PLA2G4B: variants seen among roughly 807,000 people sequenced by gnomAD.
PLA2G4B encodes the protein cytosolic phospholipase A2 beta.
PLA2G4B carries 122 observed loss-of-function variants against 95.8 expected under a neutral mutation model. That is an observed-to-expected ratio of 1.27 (90% CI 1.10 to 1.48). The LOEUF (loss-of-function observed/expected upper bound fraction) is 1.48, where lower values mean the gene tolerates loss of function less well. Ranked by LOEUF, PLA2G4B falls within the 40% of genes most tolerant of loss-of-function variation. PLA2G4B has a pLI of 0.00. For synonymous variants in PLA2G4B, 518 were observed against 421.5 expected (o/e 1.23, Z -2.80); for missense variants, 1,158 against 996.2 (o/e 1.16, Z -2.19).
Position 41,842,223 on chromosome 15 carries a change from CTG to C in PLA2G4B, c.653_654del (p.Leu218GlnfsTer75). 1 of 1,614,136 alleles carries C rather than the reference CTG, an allele frequency of 6.2e-7. No homozygotes were observed. The highest frequency in any genetic ancestry group is 8.5e-7 in the Non-Finnish European group (1 of 1,180,010). On this transcript the variant is annotated frameshift_variant, in exon 9 of 20. Coordinates refer to ENST00000458483, the MANE Select transcript of PLA2G4B (RefSeq NM_001114633.2). LOFTEE classifies it high-confidence loss of function. Reference protein sequence around the residue: ...DAPEEQLKAPLSALPSGQVVR... With the variant: ...DAPEEQLKAPXSALPSGQVVR... ...CCCCGAGGAGCAACTAAAGGCGCCA[CTG>C]AGTGCCCTGCCCTCTGGTCAAGTGG...
At chr15:41,843,573 G>A in intron 10 of PLA2G4B, 103 bp from the exon 11 acceptor site, 1 of 1,523,558 alleles carries the variant, frequency 6.6e-7, no homozygotes, top group Non-Finnish European at 8.8e-7. Flanking sequence ...GAGGGTTGGG[G>A]AGAAGAGGGA....
intron 12 of PLA2G4B, 45 bp from the exon 13 acceptor site, chr15:41,844,803 G>C (rs1221920224): frequency 1.3e-6 from 2 of 1,563,626 alleles, no homozygotes; most frequent in Non-Finnish European, 1.7e-6. Context: ...TCTAGACGGG[G>C]TCCTTCAGTG....
At chr15:41,845,526 A>T (rs967695573) in intron 14 of PLA2G4B, 112 bp from the exon 15 acceptor site, 9 of 1,515,528 alleles carry the variant, frequency 5.9e-6, no homozygotes, top group East Asian at 2.3e-5. Context: ...CCAGGCCACA[A>T]GGCCTGGGCC....
In PLA2G4B at chr15:41,840,517, C is replaced by T; in HGVS notation, c.83-7C>T. The T allele has an allele frequency of 2.5e-6, 4 of 1,613,690 alleles. No homozygotes were observed. Among genetic ancestry groups the T allele is most frequent in the Non-Finnish European group, 3.4e-6 (4 of 1,180,038 alleles). On this transcript the variant is annotated splice_region_variant and splice_polypyrimidine_tract_variant and intron_variant, in intron 2 of 19. Coordinates refer to ENST00000458483, the MANE Select transcript of PLA2G4B (RefSeq NM_001114633.2). The stretch of plus-strand genomic sequence containing the variant: ...GTCCACCGCTGGGCACTTGTTCCTT[C>T]CCGCAGTGACCCCCTCTGACTGCTA...
At chr15:41,842,818 C>A in intron 10 of PLA2G4B, 1 of 548,620 alleles carries the variant, frequency 1.8e-6, no homozygotes, top group Non-Finnish European at 3.0e-6. Flanking sequence ...TGCCAGGCAC[C>A]CGGGGAGCAC....
chr15:41,845,204 C>T lies in PLA2G4B; in HGVS notation c.1241C>T (p.Pro414Leu). ...TAGGTTCTACGCATCTTTCCCCAGC[C>T]CCATGATCACAAGCTCTCAGATCAA... is the stretch of plus-strand genomic sequence containing the variant. Reference protein sequence around the residue: ...LINEALLHDEPHDHKLSDQRE... With the variant: ...LINEALLHDELHDHKLSDQRE... The change falls in exon 14 of 20, where the codon CCC becomes CTC. Residue 414 changes from proline (P) to leucine (L), a missense_variant and splice_region_variant. Pro to Leu is a moderately conservative substitution (Grantham distance 98). Coordinates refer to ENST00000458483, the MANE Select transcript of PLA2G4B (RefSeq NM_001114633.2). 1.2e-6 allele frequency: 2 copies of T among 1,614,132 alleles called. No individual in the cohort carries two copies. The highest frequency in any genetic ancestry group is 1.7e-6 in the Non-Finnish European group (2 of 1,179,992).
chr15:41,845,125 CG>C, intron 13 of PLA2G4B, 55 bp downstream of exon 13: 1 of 1,602,622 alleles, frequency 6.2e-7, no homozygotes, highest in Non-Finnish European at 8.5e-7. Context: ...AGCTGGGGCT[CG>C]GTGCTGGACA....
At position 41,847,776 on chromosome 15, in the gene PLA2G4B, T is replaced by G. The variant is rs776707876; in HGVS notation, c.2262T>G (p.His754Gln). The change falls in exon 20 of 20, where the codon CAT becomes CAG. Residue 754 changes from histidine to glutamine, a missense_variant. By Grantham distance (24) the His-to-Gln change is conservative. Coordinates refer to ENST00000458483, the MANE Select transcript of PLA2G4B (RefSeq NM_001114633.2). ...EDVDKLLHLT[H>Q]YNVCNNQEQL... Reference sequence around the variant, plus strand: ...TGGACAAGCTGCTGCACCTGACACATTACAATGTCTGCAACAACCAGGAGC... The same window carrying G: ...TGGACAAGCTGCTGCACCTGACACAGTACAATGTCTGCAACAACCAGGAGC... 13 of 1,609,650 alleles carry G rather than the reference T, an allele frequency of 8.1e-6. No individual in the cohort carries two copies. The highest frequency in any genetic ancestry group is 1.4e-5 in the African/African-American group (1 of 71,326).
At chr15:41,846,134 C>A (rs2065538447) in intron 16 of PLA2G4B, 69 bp from the exon 17 acceptor site, 1 of 1,588,480 alleles carries the variant, frequency 6.3e-7, no homozygotes, top group African/African-American at 1.3e-5. Flanking sequence ...CCTCTTCCCC[C>A]TCCAGGGTCA....
At chr15:41,846,120 C>T in intron 16 of PLA2G4B, 73 bp downstream of exon 16, 1 of 1,579,336 alleles carries the variant, frequency 6.3e-7, no homozygotes, top group Non-Finnish European at 8.6e-7. Context: ...GCGGGGGGTT[C>T]ACACCTCTTC....
rs200270088 is a variant in PLA2G4B at position 41,842,544 on chromosome 15, C to T, written c.706-10C>T. ...CGACCTTTTGTGACTGGGGCCTTCACGGTTTTCAGGAGCCCCTGATGAGAG... is the reference window on the plus strand; with the variant it reads ...CGACCTTTTGTGACTGGGGCCTTCATGGTTTTCAGGAGCCCCTGATGAGAG... On this transcript the variant is annotated splice_polypyrimidine_tract_variant and intron_variant, in intron 9 of 19. Coordinates refer to ENST00000458483, the MANE Select transcript of PLA2G4B (RefSeq NM_001114633.2). 2.9e-5 allele frequency: 47 copies of T among 1,610,694 alleles called. No individual in the cohort carries two copies. Among genetic ancestry groups the T allele is most frequent in the South Asian group, 5.5e-5 (5 of 90,756 alleles).
In PLA2G4B at chr15:41,839,997, G is replaced by A. The variant is rs1481726870; in HGVS notation, c.10-161G>A. The A allele has an allele frequency of 5.0e-6, 4 of 792,114 alleles. No individual in the cohort carries two copies. The South Asian group carries it at 7.8e-5, about 15-fold the overall frequency. 49.1% of individuals were successfully genotyped at this position (792,114 alleles called of 1,614,324 possible). On this transcript the variant is annotated intron_variant, in intron 1 of 19. Transcript: ENST00000458483. ...AAGTGCTGGCAGGCGTCATGATGGA[G>A]ATATCATGTCTCCTCTTGTTGATTC...
At chr15:41,841,724 G>T in intron 7 of PLA2G4B, 95 bp from the exon 8 acceptor site, 2 of 1,573,362 alleles carry the variant, frequency 1.3e-6, no homozygotes, top group South Asian at 2.3e-5. Context: ...CCATTTCAGC[G>T]GGGAGAGGGA....
At position 41,845,953 on chromosome 15, in the gene PLA2G4B, CA is replaced by C; in HGVS notation, c.1508del (p.Asn503ThrfsTer39). 6.6e-7 allele frequency: 1 copy of C among 1,515,170 alleles called. No homozygotes were observed. The highest frequency in any genetic ancestry group is 8.8e-7 in the Non-Finnish European group (1 of 1,132,122). The allele number at this position is 1,515,170 out of a possible 1,614,324, so 93.9% of individuals were successfully genotyped here. A position where few individuals can be genotyped will look rare whatever the true frequency, so the allele number is the denominator to read the frequency against. On this transcript the variant is annotated frameshift_variant, in exon 16 of 20. Coordinates refer to ENST00000458483, the MANE Select transcript of PLA2G4B (RefSeq NM_001114633.2). LOFTEE classifies it high-confidence loss of function. Reference sequence around the variant, plus strand: ...CGGCCGCTCTTTCAGGTATCTGGAGCAACCTGTATGCAGCCAACCTCCAGGA... The same window carrying C: ...CGGCCGCTCTTTCAGGTATCTGGAGCACCTGTATGCAGCCAACCTCCAGGA... ...RICFLEGIWS[N>X]LYAANLQDSL...
chr15:41,846,836 G>C lies in PLA2G4B; in HGVS notation c.1947+1G>C, dbSNP rs747381604. On this transcript the variant is annotated splice_donor_variant, in intron 18 of 19. Transcript: ENST00000458483. LOFTEE classifies it high-confidence loss of function. The stretch of plus-strand genomic sequence containing the variant: ...CTACAACCTCCACGGAGCCTTCCAG[G>C]TTGGGAAGGGTGGGCAGCCCACCAG... The C allele has an allele frequency of 6.2e-7, 1 of 1,606,288 alleles. No homozygotes were observed. Among genetic ancestry groups the C allele is most frequent in the South Asian group, 1.1e-5 (1 of 90,606 alleles).
rs922026268 is a variant in PLA2G4B, at chr15:41,847,742, A to G, written c.2228A>G (p.Gln743Arg). 3 of 1,613,748 alleles carry G rather than the reference A, an allele frequency of 1.9e-6. No individual in the cohort carries two copies. Among genetic ancestry groups the G allele is most frequent in the Non-Finnish European group, 8.5e-7 (1 of 1,180,046 alleles). Residue 743 changes from glutamine (Q) to arginine (R), a missense_variant, in exon 20 of 20, where the codon CAG becomes CGG. By Grantham distance (43) the Gln-to-Arg change is conservative. Transcript: ENST00000458483. ...PYHYTKVTYS[Q>R]EDVDKLLHLT... Reference sequence around the variant, plus strand: ...CACTACACGAAGGTGACCTACAGCCAGGAGGACGTGGACAAGCTGCTGCAC... The same window carrying G: ...CACTACACGAAGGTGACCTACAGCCGGGAGGACGTGGACAAGCTGCTGCAC...
At position 41,844,457 on chromosome 15, in the gene PLA2G4B, C is replaced by T. The variant is rs199586522; in HGVS notation, c.880-14C>T. 1.1e-4 allele frequency: 172 copies of T among 1,614,078 alleles called. 2 individuals are homozygous for T. The highest frequency in any genetic ancestry group is 6.2e-4 in the Admixed American group (37 of 60,010). On this transcript the variant is annotated splice_polypyrimidine_tract_variant and intron_variant, in intron 11 of 19. Coordinates refer to ENST00000458483, the MANE Select transcript of PLA2G4B (RefSeq NM_001114633.2). The stretch of plus-strand genomic sequence containing the variant: ...CCCTAGGGCCTCTACAGGCCTGGCT[C>T]TCTTCTTTTCCAGATCCCAGTGGTA...
chr15:41,842,424 C>G (rs2065449842), intron 9 of PLA2G4B, 130 bp from the exon 10 acceptor site: 2 of 1,554,508 alleles, frequency 1.3e-6, no homozygotes, highest in Non-Finnish European at 1.7e-6. Context: ...CTCTGAGCAT[C>G]CCTGCTTCAG....
At position 41,845,835 on chromosome 15, in the gene PLA2G4B, A is replaced by G; in HGVS notation, c.1495+60A>G. 4 of 1,543,564 alleles carry G rather than the reference A, an allele frequency of 2.6e-6. No homozygotes were observed. The South Asian group carries it at 5.1e-5, about 20-fold the overall frequency. ...GAGCAGGGAAAATGGGTCCTGGGTG[A>G]GAGGGCAGCCTCGGTCAGAAGAGTT... On this transcript the variant is annotated intron_variant, in intron 15 of 19. Coordinates refer to ENST00000458483, the MANE Select transcript of PLA2G4B (RefSeq NM_001114633.2).
Sources: gnomAD v4.1 joint callset for allele counts on GRCh38, gnomAD v4.1.1 for gene constraint, MANE v1.5 for transcripts, NCBI Gene and HGNC (gene_info 2026-07-23, HGNC 2026-07-21) for gene names.